LPAR5: variants seen among roughly 807,000 people sequenced by gnomAD.
LPAR5 encodes the protein lysophosphatidic acid receptor 5, also known as G protein-coupled receptor 92.
For synonymous variants in LPAR5, 271 were observed against 261.6 expected (o/e 1.04, Z -0.35); for missense variants, 544 against 521.8 (o/e 1.04, Z -0.41).
At chr12:6,625,518 G>A (rs1238483307) in intron 1 of LPAR5, among the ~76,000 whole-genome samples, 3 of 150,720 alleles carry the variant, frequency 2.0e-5, no homozygotes, top group Non-Finnish European at 4.4e-5. Flanking sequence ...TGAGGAGATC[G>A]AGACCATCCT....
rs1372530345 is a variant in LPAR5 at position 6,620,361 on chromosome 12, C to T, written c.888G>A (p.Val296=). The stretch of plus-strand genomic sequence containing the variant: ...GGAAGCCCTCGGCGCTAAAGTAGTA[C>T]ACCAGCGGGTCCAGCACGCAGTTGG... ...AGANCVLDPL[V]YYFSAEGFRN... The change falls in exon 2 of 2, where the codon GTG becomes GTA. Residue 296 remains valine, a synonymous_variant. Transcript: ENST00000329858. The surrounding 1 kb of genome is among the most constrained non-coding windows in gnomAD (Gnocchi z 6.8). The T allele has an allele frequency of 1.9e-6, 3 of 1,611,598 alleles. No individual in the cohort carries two copies. The South Asian group carries it at 3.3e-5, about 18-fold the overall frequency.
rs1948894803 is a variant in LPAR5, at chr12:6,621,349, A to G, written c.-101T>C. ...CGGGGCTGGGGCCTAGAGGCTGTAC[A>G]GACATGGTCCCAAAACAAGCAGAGG... is the stretch of plus-strand genomic sequence containing the variant. On this transcript the variant is annotated 5_prime_UTR_variant, in exon 2 of 2. Transcript: ENST00000329858. 8.4e-7 allele frequency: 1 copy of G among 1,192,610 alleles called. No individual in the cohort carries two copies. The highest frequency in any genetic ancestry group is 1.1e-6 in the Non-Finnish European group (1 of 906,958). 73.9% of individuals were successfully genotyped at this position (1,192,610 alleles called of 1,614,324 possible).
chr12:6,627,476 A>T (rs1279362296), intron 1 of LPAR5, among the ~76,000 whole-genome samples: 1 of 150,408 alleles, frequency 6.6e-6, no homozygotes, highest in Admixed American at 6.6e-5. Context: ...CTGTAATCCC[A>T]ACTACTCGGG....
Position 6,620,316 on chromosome 12 carries a change from C to G in LPAR5, c.933G>C (p.Leu311=). Residue 311 remains leucine, a synonymous_variant, in exon 2 of 2, where the codon CTG becomes CTC. Transcript: ENST00000329858. The surrounding 1 kb of genome is among the most constrained non-coding windows in gnomAD (Gnocchi z 6.8). ...AEGFRNTLRG[L]GTPHRARTSA... is the part of the protein sequence containing the mutation. ...AGGTCCTGGCCCGGTGCGGAGTGCC[C>G]AGGCCGCGCAGGGTGTTGCGGAAGC... The G allele has an allele frequency of 6.2e-7, 1 of 1,607,614 alleles. No homozygotes were observed. The highest frequency in any genetic ancestry group is 1.1e-5 in the South Asian group (1 of 90,570).
At chr12:6,627,988 A>G (rs568098126) in intron 1 of LPAR5, among the ~76,000 whole-genome samples, 1 of 150,768 alleles carries the variant, frequency 6.6e-6, no homozygotes, top group South Asian at 2.1e-4. Context: ...TTACACTATG[A>G]TTACAGTATC....
chr12:6,628,961 G>A (rs924318311), intron 1 of LPAR5, among the ~76,000 whole-genome samples: 9 of 151,504 alleles, frequency 5.9e-5, no homozygotes, highest in Non-Finnish European at 1.2e-4. Context: ...AGAGAAGACT[G>A]GGTTTCACTA....
intron 1 of LPAR5, among the ~76,000 whole-genome samples, chr12:6,628,090 G>C (rs1337315882): frequency 1.5e-5 from 2 of 137,798 alleles, no homozygotes. Context: ...GGCTCAATCT[G>C]GGCTCACTGC....
chr12:6,620,793 AAAC>A lies in LPAR5; in HGVS notation c.453_455del (p.Phe152del). The A allele has an allele frequency of 6.3e-7, 1 of 1,579,630 alleles. No individual in the cohort carries two copies. The highest frequency in any genetic ancestry group is 2.3e-5 in the East Asian group (1 of 43,708). ...TGTGCACGCGGGCGGCGGGCACGGC[AAAC>A]ACCAGGATGAGCGCCCACACGCCCA... On this transcript the variant is annotated inframe_deletion, in exon 2 of 2. Coordinates refer to ENST00000329858, the MANE Select transcript of LPAR5 (RefSeq NM_020400.6). The surrounding 1 kb of genome is among the most constrained non-coding windows in gnomAD (Gnocchi z 6.8).
Position 6,619,819 on chromosome 12 carries a change from G to C in LPAR5, c.*311C>G, listed in dbSNP as rs1948871697. 1 of 515,752 alleles carries C rather than the reference G, an allele frequency of 1.9e-6. No individual in the cohort carries two copies. Among genetic ancestry groups the C allele is most frequent in the African/African-American group, 1.9e-5 (1 of 52,636 alleles). 31.9% of individuals were successfully genotyped at this position (515,752 alleles called of 1,614,324 possible). A position where few individuals can be genotyped will look rare whatever the true frequency, so the allele number is the denominator to read the frequency against. On this transcript the variant is annotated 3_prime_UTR_variant, in exon 2 of 2. Coordinates refer to ENST00000329858, the MANE Select transcript of LPAR5 (RefSeq NM_020400.6). ...TTCTGTTCCATCTAACCAGCTTTTAGCAGTTTAATGCCCTGCCCACCCAAA... is the reference window on the plus strand; with the variant it reads ...TTCTGTTCCATCTAACCAGCTTTTACCAGTTTAATGCCCTGCCCACCCAAA...
chr12:6,628,134 G>A (rs1948955560), intron 1 of LPAR5, among the ~76,000 whole-genome samples: 1 of 147,038 alleles, frequency 6.8e-6, no homozygotes, highest in Non-Finnish European at 1.5e-5. Flanking sequence ...CCATTCTCCT[G>A]CCTCAGCCTC....
chr12:6,633,212 A>C (rs1292119774), intron 1 of LPAR5, among the ~76,000 whole-genome samples: 1 of 152,124 alleles, frequency 6.6e-6, no homozygotes, highest in Non-Finnish European at 1.5e-5. Flanking sequence ...CAGTCCCAAG[A>C]GAAGCCACGG....
chr12:6,623,598 G>A (rs1055268232), intron 1 of LPAR5, among the ~76,000 whole-genome samples: 1 of 151,926 alleles, frequency 6.6e-6, no homozygotes, highest in Non-Finnish European at 1.5e-5. Flanking sequence ...TGTGTAAAAC[G>A]CTTAGGTTGC....
chr12:6,625,443 C>T (rs1399118101), intron 1 of LPAR5, among the ~76,000 whole-genome samples: 5 of 138,918 alleles, frequency 3.6e-5, no homozygotes, highest in Admixed American at 1.5e-4. Flanking sequence ...AAAAGAGGGC[C>T]GGGCGCGGTG....
chr12:6,625,421 A>C (rs1438740692), intron 1 of LPAR5, among the ~76,000 whole-genome samples: 1 of 10,316 alleles, frequency 9.7e-5, no homozygotes, highest in South Asian at 3.2e-3. Flanking sequence ...ACTCCGTCTC[A>C]AAAAAAAAAA....
At chr12:6,627,024 T>C (rs1565387493) in intron 1 of LPAR5, among the ~76,000 whole-genome samples, 1 of 152,368 alleles carries the variant, frequency 6.6e-6, no homozygotes, top group South Asian at 2.1e-4. Context: ...CATTTACTGA[T>C]CATCACCATA....
chr12:6,629,923 C>T (rs1010986745), intron 1 of LPAR5, among the ~76,000 whole-genome samples: 1 of 151,580 alleles, frequency 6.6e-6, no homozygotes, highest in Non-Finnish European at 1.5e-5. Context: ...ACTCGGGAGG[C>T]TGAGGCAGGA....
intron 1 of LPAR5, among the ~76,000 whole-genome samples, chr12:6,623,098 TGTG>T (rs1948908246): frequency 6.6e-6 from 1 of 151,866 alleles, no homozygotes; most frequent in Non-Finnish European, 1.5e-5. Flanking sequence ...ATTAGCCAGA[TGTG>T]GTGGCATGCA....
intron 1 of LPAR5, among the ~76,000 whole-genome samples, chr12:6,635,484 C>T (rs2136246646): frequency 6.6e-6 from 1 of 152,288 alleles, no homozygotes; most frequent in Non-Finnish European, 1.5e-5. Flanking sequence ...TAGATCAGCT[C>T]ATTGTCATCT....
intron 1 of LPAR5, among the ~76,000 whole-genome samples, chr12:6,632,697 C>G (rs1320735161): frequency 2.0e-5 from 3 of 152,180 alleles, no homozygotes; most frequent in Non-Finnish European, 4.4e-5. Flanking sequence ...TTTGAGGGCA[C>G]AAATGAATCC....
Sources: allele counts gnomAD v4.1 joint callset (sites outside exome capture counted in the v4.1 genomes callset), GRCh38; gene constraint gnomAD v4.1.1; non-coding constraint Gnocchi (gnomAD v3.1); transcripts MANE v1.5; gene names NCBI Gene and HGNC (gene_info 2026-07-23, HGNC 2026-07-21).